The following CELSR1 variants were observed in gnomAD, a reference collection of about 807,000 sequenced individuals.
The protein encoded by CELSR1 is cadherin EGF LAG seven-pass G-type receptor 1, also known as adhesion G protein-coupled receptor C1.
Under a neutral mutation model 249.1 loss-of-function variants are expected in CELSR1, and 110 were observed. The ratio of observed to expected loss-of-function variants is 0.44; its 90% CI spans 0.38 to 0.52. The LOEUF is 0.52. Among genes scored for constraint, CELSR1 ranks in the 20% least tolerant of loss-of-function variants. The probability of loss-of-function intolerance (pLI) is 0.00; values close to 1 mark genes in which losing one functional copy is unlikely to be tolerated. For synonymous variants in CELSR1, 2,113 were observed against 1,900.0 expected (o/e 1.11, Z -2.92); for missense variants, 4,109 against 4,296.4 (o/e 0.96, Z 1.22).
chr22:46,439,093 G>A (rs916405169), intron 3 of CELSR1, 96 bp downstream of exon 3: 3 of 1,176,000 alleles, frequency 2.6e-6, no homozygotes, highest in Non-Finnish European at 3.7e-6. Context: ...ACACACGGAG[G>A]ACATCAACGT....
intron 5 of CELSR1, among the ~76,000 whole-genome samples, chr22:46,414,865 A>C (rs759706024): frequency 6.6e-6 from 1 of 152,212 alleles, no homozygotes; most frequent in Non-Finnish European, 1.5e-5. Flanking sequence ...ACTCACAAGA[A>C]GTGGAAACCA....
In CELSR1 at chr22:46,430,359, T is replaced by TGGGGCAAGGACACAGCTGGGC. The variant is rs1569157183; in HGVS notation, c.4611+3013_4611+3033dup. On this transcript the variant is annotated intron_variant, in intron 5 of 34. Coordinates refer to ENST00000674500, the MANE Select transcript of CELSR1 (RefSeq NM_001378328.1). This position sits in a 1 kb window ranked among gnomAD's most constrained non-coding sequence, Gnocchi z 4.6. ...GGTGTGGCAGGTAAATGGAGCGTGC[T>TGGGGCAAGGACACAGCTGGGC]GGGGCAAGGACACAGCTGGGCGGGG... Among the ~76,000 whole-genome samples the TGGGGCAAGGACACAGCTGGGC allele has an allele frequency of 2.0e-5, 3 of 152,106 alleles. No homozygotes were observed. Among genetic ancestry groups the TGGGGCAAGGACACAGCTGGGC allele is most frequent in the Admixed American group, 1.3e-4 (2 of 15,268 alleles).
chr22:46,535,956 G>A lies in CELSR1; in HGVS notation c.1215C>T (p.Ser405=). The change falls in exon 1 of 35, where the codon AGC becomes AGT. Residue 405 remains serine (S), a synonymous_variant. Coordinates refer to ENST00000674500, the MANE Select transcript of CELSR1 (RefSeq NM_001378328.1). ...GAWDVFQLNE[S]SGVVSTRAVL... ...CCGCCCGTGTGCTCACCACGCCAGA[G>A]CTCTCGTTGAGCTGGAAGACGTCCC... The A allele has an allele frequency of 6.2e-7, 1 of 1,610,216 alleles. No homozygotes were observed. The highest frequency in any genetic ancestry group is 8.5e-7 in the Non-Finnish European group (1 of 1,179,884).
chr22:46,431,798 CA>C (rs201075557), intron 5 of CELSR1, among the ~76,000 whole-genome samples: 1,851 of 152,342 alleles, frequency 0.012, 15 homozygotes, highest in Admixed American at 0.021. Flanking sequence ...TGGACAATGG[CA>C]GCAAATAAAT....
At position 46,457,314 on chromosome 22, in the gene CELSR1, C is replaced by T. The variant is rs565051952; in HGVS notation, c.4183+6393G>A. On this transcript the variant is annotated intron_variant, in intron 2 of 34. Coordinates refer to ENST00000674500, the MANE Select transcript of CELSR1 (RefSeq NM_001378328.1). ...GAGCCAAGGTTGTGCCACTGCACTC[C>T]AGCCCGGGCAACAGAGCAAGACTCA... 5.4e-4 allele frequency among the ~76,000 whole-genome samples: 82 copies of T among 151,974 alleles called. 3 individuals carry two copies. The South Asian group carries it at 0.017, about 31-fold the overall frequency.
intron 1 of CELSR1, chr22:46,530,357 A>G (rs1298146107): frequency 1.3e-5 from 2 of 148,774 alleles, no homozygotes. Flanking sequence ...ATTATATATT[A>G]TATATAATTC....
intron 5 of CELSR1, among the ~76,000 whole-genome samples, chr22:46,415,877 C>G (rs2079393935): frequency 6.6e-6 from 1 of 152,216 alleles, no homozygotes; most frequent in African/African-American, 2.4e-5. Context: ...AAAACAGCAG[C>G]AGATGTGTGT....
chr22:46,415,714 C>A (rs1245029092), intron 5 of CELSR1, among the ~76,000 whole-genome samples: 1 of 152,118 alleles, frequency 6.6e-6, no homozygotes, highest in Non-Finnish European at 1.5e-5. Flanking sequence ...AAGATCCTTC[C>A]AATTTTTCCC....
Position 46,536,115 on chromosome 22 carries a change from G to C in CELSR1, c.1056C>G (p.Val352=). The C allele has an allele frequency of 6.2e-7, 1 of 1,612,608 alleles. No homozygotes were observed. Among genetic ancestry groups the C allele is most frequent in the African/African-American group, 1.3e-5 (1 of 75,072 alleles). Residue 352 remains valine (V), a synonymous_variant, in exon 1 of 35, where the codon GTC becomes GTG. Transcript: ENST00000674500. ...GCTCGCGGTACTCCGACTGCTCGAAGACCGGGCTGTGGTCGTTGGTGTCTT... is the reference window on the plus strand; with the variant it reads ...GCTCGCGGTACTCCGACTGCTCGAACACCGGGCTGTGGTCGTTGGTGTCTT... The part of the protein sequence containing the change: ...LVKDTNDHSP[V]FEQSEYRERV...
rs556210221 is a variant in CELSR1 at position 46,391,301 on chromosome 22, G to A, written c.6149-14C>T. 1.9e-6 allele frequency: 3 copies of A among 1,611,010 alleles called. No individual in the cohort carries two copies. The highest frequency in any genetic ancestry group is 1.1e-5 in the South Asian group (1 of 90,992). On this transcript the variant is annotated splice_polypyrimidine_tract_variant and intron_variant, in intron 15 of 34. Transcript: ENST00000674500. The surrounding 1 kb of genome is among the most constrained non-coding windows in gnomAD (Gnocchi z 4.3). ...CATTGTAGATCACTGGGGTAGAGAA[G>A]AGAGAAGTCTGCTCAGCGGGGCACG...
chr22:46,371,674 A>ACC (rs1029323971), intron 25 of CELSR1, among the ~76,000 whole-genome samples: 23 of 144,434 alleles, frequency 1.6e-4, no homozygotes, highest in African/African-American at 5.7e-4. Context: ...CATCCCTCCA[A>ACC]CCATCCTATT....
At chr22:46,397,640 C>CGG (rs2079163706) in intron 12 of CELSR1, 34 bp downstream of exon 12, 1 of 1,422,124 alleles carries the variant, frequency 7.0e-7, no homozygotes. Flanking sequence ...AGAGACCTCC[C>CGG]TGTCACTGAA....
chr22:46,377,743 G>A (rs1201371814), intron 23 of CELSR1: 3 of 181,226 alleles, frequency 1.7e-5, no homozygotes, highest in African/African-American at 7.0e-5. Context: ...CCATGAGACA[G>A]GGGCAGAGGC....
chr22:46,463,884 C>T lies in CELSR1; in HGVS notation c.4006G>A (p.Val1336Met), dbSNP rs2080064166. The change falls in exon 2 of 35, where the codon GTG becomes ATG. Residue 1336 changes from valine (V) to methionine (M), a missense_variant. Around this residue, in one of 7 missense-constraint regions of CELSR1, gnomAD observed 141 missense variants for 209.4 expected, o/e 0.67. Coordinates refer to ENST00000674500, the MANE Select transcript of CELSR1 (RefSeq NM_001378328.1). Reference protein sequence around the residue: ...SSAPFLSSTTVLFRPIHPING... With the variant: ...SSAPFLSSTTMLFRPIHPING... ...ATGGGGTGGATGGGCCGGAAGAGCA[C>T]GGTGGTGGAGCTGAGGAAGGGCGCG... The T allele has an allele frequency of 5.6e-6, 9 of 1,612,872 alleles. No individual in the cohort carries two copies. Among genetic ancestry groups the T allele is most frequent in the Middle Eastern group, 1.6e-4 (1 of 6,080 alleles).
chr22:46,473,210 G>C lies in CELSR1; in HGVS notation c.3545-8865C>G, dbSNP rs1488827267. On this transcript the variant is annotated intron_variant, in intron 1 of 34. Coordinates refer to ENST00000674500, the MANE Select transcript of CELSR1 (RefSeq NM_001378328.1). The surrounding 1 kb of genome is among the most constrained non-coding windows in gnomAD (Gnocchi z 6.6). Reference sequence around the variant, plus strand: ...GAGGAACCATCGCTGGCCCTTGACAGGTGAGGACACCAAGGCACAAAGAAG... The same window carrying C: ...GAGGAACCATCGCTGGCCCTTGACACGTGAGGACACCAAGGCACAAAGAAG... Among the ~76,000 whole-genome samples, 3 of 152,160 alleles carry C rather than the reference G, an allele frequency of 2.0e-5. No homozygotes were observed. Among genetic ancestry groups the C allele is most frequent in the African/African-American group, 7.2e-5 (3 of 41,430 alleles).
rs61737821 is a variant in CELSR1 at position 46,409,137 on chromosome 22, G to A, written c.5085C>T (p.Ser1695=). 1,902 of 1,613,188 alleles carry A rather than the reference G, an allele frequency of 1.2e-3. 43 individuals are homozygous for A. In the Admixed American group the frequency reaches 0.03, roughly 26 times the overall value. The part of the protein sequence containing the change: ...EQAMPHPQLF[S]GESVVSWSDL... ...CACTCCAGGACACGACGCTCTCACC[G>A]CTGAAGAGCTGGGGGTGAGGCATGG... The change falls in exon 9 of 35, where the codon AGC becomes AGT. Residue 1695 remains serine (S), a synonymous_variant. Coordinates refer to ENST00000674500, the MANE Select transcript of CELSR1 (RefSeq NM_001378328.1). This position sits in a 1 kb window ranked among gnomAD's most constrained non-coding sequence, Gnocchi z 9.8.
intron 33 of CELSR1, 98 bp from the exon 34 acceptor site, chr22:46,364,349 C>T: frequency 1.3e-6 from 2 of 1,537,868 alleles, no homozygotes; most frequent in Non-Finnish European, 1.7e-6. Context: ...CCCTGTCCTT[C>T]CTCCTGGTTC....
intron 1 of CELSR1, among the ~76,000 whole-genome samples, chr22:46,485,355 C>T (rs1035818995): frequency 6.6e-6 from 1 of 152,128 alleles, no homozygotes; most frequent in Non-Finnish European, 1.5e-5. Context: ...TCTTCCCAGG[C>T]CTTTGTGAGT....
chr22:46,514,035 C>T (rs1254285854), intron 1 of CELSR1, among the ~76,000 whole-genome samples: 2 of 152,032 alleles, frequency 1.3e-5, no homozygotes, highest in African/African-American at 2.4e-5. Flanking sequence ...CCTCATGATC[C>T]ACCCGCCTCA....
Sources: allele counts gnomAD v4.1 joint callset (sites outside exome capture counted in the v4.1 genomes callset), GRCh38; gene constraint gnomAD v4.1.1; regional missense constraint gnomAD v4.1.1; non-coding constraint Gnocchi (gnomAD v3.1); transcripts MANE v1.5; gene names NCBI Gene and HGNC (gene_info 2026-07-23, HGNC 2026-07-21).